Variants in MACF1 observed in about 807,000 individuals in gnomAD.
MACF1 encodes microtubule actin crosslinking factor 1.
A neutral mutation model predicts 854.8 loss-of-function variants in MACF1; 193 were observed. That is an observed-to-expected ratio of 0.23 (90% confidence interval 0.20 to 0.25). MACF1 has a LOEUF of 0.25. MACF1 is among the 10% of genes least tolerant of loss of function. The pLI is 1.00. For synonymous variants in MACF1, 3,185 were observed against 3,226.7 expected (o/e 0.99, Z 0.44); for missense variants, 7,722 against 8,929.1 (o/e 0.86, Z 5.45).
chr1:39,299,942 G>T (rs1055484081), intron 21 of MACF1, among the ~76,000 whole-genome samples: 3 of 152,096 alleles, frequency 2.0e-5, no homozygotes, highest in Admixed American at 2.0e-4. Context: ...TTTTTATTTT[G>T]ATTTTTGCAT....
intron 97 of MACF1, among the ~76,000 whole-genome samples, chr1:39,475,598 G>A (rs1300545147): frequency 6.6e-6 from 1 of 152,120 alleles, no homozygotes; most frequent in Non-Finnish European, 1.5e-5. Context: ...GGTGCTCCAT[G>A]AAACACCTGA....
intron 2 of MACF1, among the ~76,000 whole-genome samples, chr1:39,096,300 T>G (rs1641934857): frequency 6.6e-6 from 1 of 151,948 alleles, no homozygotes; most frequent in Admixed American, 6.6e-5. Context: ...TTGACTTGCT[T>G]CTGAGGTCTA....
intron 1 of MACF1, among the ~76,000 whole-genome samples, chr1:39,227,165 C>T (rs969796213): frequency 5.3e-5 from 8 of 152,192 alleles, no homozygotes; most frequent in African/African-American, 1.4e-4. Flanking sequence ...CCTTCTGCCT[C>T]GGCCTCCCAA....
At chr1:39,299,420 G>A (rs1223410476) in intron 21 of MACF1, among the ~76,000 whole-genome samples, 6 of 152,020 alleles carry the variant, frequency 3.9e-5, no homozygotes, top group African/African-American at 7.2e-5. Flanking sequence ...TGAAACATCC[G>A]GGTTAATGGA....
intron 2 of MACF1, among the ~76,000 whole-genome samples, chr1:39,246,257 A>C (rs970085274): frequency 6.3e-5 from 9 of 142,646 alleles, no homozygotes; most frequent in Non-Finnish European, 1.2e-4. Context: ...TTTAGCTAGC[A>C]CCTCTGTGCA....
In MACF1 at chr1:39,459,376, A is replaced by G. The variant is rs1570158124; in HGVS notation, c.21360+127A>G. On this transcript the variant is annotated intron_variant, in intron 91 of 100. Transcript: ENST00000564288. Reference sequence around the variant, plus strand: ...ACTTTTTCACAATAGAAACAGACCTATACCAAGCCAGTACTCATTCTTTGA... The same window carrying G: ...ACTTTTTCACAATAGAAACAGACCTGTACCAAGCCAGTACTCATTCTTTGA... The G allele has an allele frequency of 1.3e-5, 13 of 1,002,204 alleles. No individual in the cohort carries two copies. The East Asian group carries it at 3.2e-4, about 25-fold the overall frequency. 62.1% of individuals were successfully genotyped at this position (1,002,204 alleles called of 1,614,324 possible). A position where few individuals can be genotyped will look rare whatever the true frequency, so the allele number is the denominator to read the frequency against.
chr1:39,308,508 C>T (rs1490074560), intron 23 of MACF1, among the ~76,000 whole-genome samples: 1 of 151,958 alleles, frequency 6.6e-6, no homozygotes, highest in Non-Finnish European at 1.5e-5. Flanking sequence ...ACATTTTTTT[C>T]TCAACTTGAA....
intron 2 of MACF1, among the ~76,000 whole-genome samples, chr1:39,168,618 C>A (rs1031308078): frequency 1.3e-5 from 2 of 152,194 alleles, no homozygotes; most frequent in African/African-American, 4.8e-5. Flanking sequence ...CAGGCGTGAG[C>A]CACTGCGCCT....
chr1:39,248,070 A>G (rs889961727), intron 2 of MACF1, among the ~76,000 whole-genome samples: 2 of 152,172 alleles, frequency 1.3e-5, no homozygotes, highest in African/African-American at 4.8e-5. Context: ...CCAGTTCATC[A>G]TGAACCATCT....
At chr1:39,327,036 C>T (rs1646627818) in intron 35 of MACF1, among the ~76,000 whole-genome samples, 182 bp from the exon 36 acceptor site, 1 of 152,082 alleles carries the variant, frequency 6.6e-6, no homozygotes, top group Non-Finnish European at 1.5e-5. Flanking sequence ...GCATTGACAT[C>T]ATCAAGAACC....
chr1:39,133,434 G>A (rs377642999), intron 2 of MACF1, among the ~76,000 whole-genome samples: 1 of 151,712 alleles, frequency 6.6e-6, no homozygotes, highest in East Asian at 1.9e-4. Flanking sequence ...GAGGGCCTGG[G>A]GTTTAATTTT....
At chr1:39,089,441 C>G (rs1641751839) in intron 2 of MACF1, among the ~76,000 whole-genome samples, 1 of 152,200 alleles carries the variant, frequency 6.6e-6, no homozygotes, top group Non-Finnish European at 1.5e-5. Flanking sequence ...CCATTGTGGC[C>G]TTCTAGTCAG....
chr1:39,479,772 T>C (rs1168608143), intron 97 of MACF1, 26 bp from the exon 98 acceptor site: 1 of 1,581,060 alleles, frequency 6.3e-7, no homozygotes. Flanking sequence ...GAACTGACAT[T>C]GTGTGTGTGT....
At chr1:39,327,491 T>C (rs1272121491) in intron 36 of MACF1, 138 bp downstream of exon 36, 1 of 918,054 alleles carries the variant, frequency 1.1e-6, no homozygotes, top group Non-Finnish European at 1.6e-6. Flanking sequence ...TTAGCAGCCA[T>C]TTGTCTTGTG....
chr1:39,247,737 A>C (rs938104440), intron 2 of MACF1, among the ~76,000 whole-genome samples: 4 of 152,228 alleles, frequency 2.6e-5, no homozygotes, highest in Admixed American at 2.6e-4. Context: ...TTGCAGATTA[A>C]ATTTAAAAGT....
intron 58 of MACF1, among the ~76,000 whole-genome samples, chr1:39,398,832 A>C (rs1354903252): frequency 2.0e-5 from 3 of 152,174 alleles, no homozygotes; most frequent in African/African-American, 7.2e-5. Flanking sequence ...TGTGGAAATC[A>C]ATCAGCTGTG....
chr1:39,368,200 A>C lies in MACF1; in HGVS notation c.12824A>C (p.His4275Pro). 6.2e-7 allele frequency: 1 copy of C among 1,614,190 alleles called. No individual in the cohort carries two copies. Among genetic ancestry groups the C allele is most frequent in the Non-Finnish European group, 8.5e-7 (1 of 1,180,038 alleles). The change falls in exon 50 of 101, where the codon CAC becomes CCC. Residue 4275 changes from histidine to proline, a missense_variant. Coordinates refer to ENST00000564288, the MANE Select transcript of MACF1 (RefSeq NM_001394062.1). Reference sequence around the variant, plus strand: ...CAGGAGAACCTAGATACTCTTGAGCACCTGGTCACTGAACTGAGCTCTTGT... The same window carrying C: ...CAGGAGAACCTAGATACTCTTGAGCCCCTGGTCACTGAACTGAGCTCTTGT... Reference protein sequence around the residue: ...DQQENLDTLEHLVTELSSCGF... With the variant: ...DQQENLDTLEPLVTELSSCGF...
intron 99 of MACF1, among the ~76,000 whole-genome samples, chr1:39,481,801 G>A (rs1626267): frequency 0.033 from 5,091 of 152,280 alleles, 273 homozygotes; most frequent in African/African-American, 0.12. Context: ...CCTCAAGACA[G>A]TGTTGCCTTC....
intron 15 of MACF1, among the ~76,000 whole-genome samples, chr1:39,288,818 G>A (rs1343189776): frequency 6.6e-6 from 1 of 152,098 alleles, no homozygotes; most frequent in African/African-American, 2.4e-5. Context: ...ACAAAAAAAT[G>A]TACAACTAAA....
Sources: allele counts gnomAD v4.1 joint callset (sites outside exome capture counted in the v4.1 genomes callset), GRCh38; gene constraint gnomAD v4.1.1; transcripts MANE v1.5; gene names NCBI Gene and HGNC (gene_info 2026-07-23, HGNC 2026-07-21).